Variants in EPB41L1 observed in about 807,000 individuals in gnomAD.
The protein encoded by EPB41L1 is band 4.1-like protein 1.
A neutral mutation model predicts 97.8 loss-of-function variants in EPB41L1; 29 were observed. That is an observed-to-expected ratio of 0.30 (90% CI 0.22 to 0.40). EPB41L1 has a LOEUF of 0.40. Ranked by LOEUF, EPB41L1 falls within the 10% of genes least tolerant of loss-of-function variation. The probability of loss-of-function intolerance (pLI) is 1.00; values close to 1 mark genes in which losing one functional copy is unlikely to be tolerated. For synonymous variants in EPB41L1, 383 were observed against 459.2 expected (o/e 0.83, Z 2.12); for missense variants, 812 against 1,162.3 (o/e 0.70, Z 4.38).
chr20:36,188,332 T>G lies in EPB41L1; in HGVS notation c.874-15T>G. ...GGACCCCGGGCCTCCCATTCCATGG[T>G]CTCTTCTCATGCAGGACTCTGAGGG... On this transcript the variant is annotated splice_polypyrimidine_tract_variant and intron_variant, in intron 8 of 21. Transcript: ENST00000338074. 6.2e-7 allele frequency: 1 copy of G among 1,612,774 alleles called. No homozygotes were observed. The highest frequency in any genetic ancestry group is 1.1e-5 in the South Asian group (1 of 90,988).
In EPB41L1 at chr20:36,173,724, T is replaced by A. The variant is rs2061096384; in HGVS notation, c.-14-40T>A. ...GCCCCTCTCGCTGTCATACCATTGCTGTCCCTCCCTGTCACATGATCTCCT... is the reference window on the plus strand; with the variant it reads ...GCCCCTCTCGCTGTCATACCATTGCAGTCCCTCCCTGTCACATGATCTCCT... On this transcript the variant is annotated intron_variant, in intron 1 of 21. Transcript: ENST00000338074. 3.1e-6 allele frequency: 5 copies of A among 1,590,196 alleles called. No homozygotes were observed. The highest frequency in any genetic ancestry group is 1.7e-6 in the Non-Finnish European group (2 of 1,158,296).
At chr20:36,219,648 C>T in intron 18 of EPB41L1, 113 bp from the exon 19 acceptor site, 1 of 844,608 alleles carries the variant, frequency 1.2e-6, no homozygotes. Flanking sequence ...CTGAAAGCAT[C>T]TTGGCTTCGA....
Position 36,198,157 on chromosome 20 carries a change from G to A in EPB41L1, c.1668+116G>A, listed in dbSNP as rs1600891945. The A allele has an allele frequency of 1.1e-5, 11 of 961,056 alleles. No homozygotes were observed. In the East Asian group the frequency reaches 2.6e-4, roughly 23 times the overall value. The allele number at this position is 961,056 out of a possible 1,614,324, so 59.5% of individuals were successfully genotyped here. A position where few individuals can be genotyped will look rare whatever the true frequency, so the allele number is the denominator to read the frequency against. On this transcript the variant is annotated intron_variant, in intron 14 of 21. Transcript: ENST00000338074. ...TATGCTTCCCCCATTGCTGCTTAGG[G>A]GCTGGTGGGGATGGAGAGGGTGGTA...
At chr20:36,103,704 C>CTTTTT (rs398038437) in intron 1 of EPB41L1, among the ~76,000 whole-genome samples, 2 of 135,760 alleles carry the variant, frequency 1.5e-5, no homozygotes, top group African/African-American at 2.8e-5. Flanking sequence ...CTTTTTCTTT[C>CTTTTT]TTTTTTTTTT....
intron 1 of EPB41L1, among the ~76,000 whole-genome samples, chr20:36,166,676 C>G (rs1232884677): frequency 6.6e-6 from 1 of 151,938 alleles, no homozygotes; most frequent in African/African-American, 2.4e-5. Flanking sequence ...TGGCTGAGCC[C>G]AAGAATTCGA....
At chr20:36,202,327 C>A (rs2062541617) in intron 14 of EPB41L1, among the ~76,000 whole-genome samples, 1 of 152,236 alleles carries the variant, frequency 6.6e-6, no homozygotes, top group African/African-American at 2.4e-5. Context: ...AAATTAGCAG[C>A]CTGTAGGTCT....
chr20:36,178,828 G>A (rs908055610), intron 5 of EPB41L1, among the ~76,000 whole-genome samples, 156 bp downstream of exon 5: 6 of 152,018 alleles, frequency 3.9e-5, no homozygotes, highest in African/African-American at 1.2e-4. Flanking sequence ...AGGCTAAGGC[G>A]GGTGGATCAC....
chr20:36,207,595 G>A lies in EPB41L1; in HGVS notation c.1669-1893G>A, dbSNP rs547771752. 22 of 1,289,962 alleles carry A rather than the reference G, an allele frequency of 1.7e-5. No individual in the cohort carries two copies. The East Asian group carries it at 2.2e-4, about 13-fold the overall frequency. 79.9% of individuals were successfully genotyped at this position (1,289,962 alleles called of 1,614,324 possible). ...GAGTACGCTCTCAGACCTGGGCTTC[G>A]CCCAACTCCAGCCCCCAGGGGACTT... On this transcript the variant is annotated intron_variant, in intron 14 of 21. Transcript: ENST00000338074. The surrounding 1 kb of genome is among the most constrained non-coding windows in gnomAD (Gnocchi z 4.9).
rs116717067 is a variant in EPB41L1 at position 36,216,446 on chromosome 20, A to G, written c.2268+2006A>G. ...CTAGGCCAGAGCTTGATAGACCTCA[A>G]ATGTCATATACCAAGTTCAAACTTC... On this transcript the variant is annotated intron_variant, in intron 17 of 21. Coordinates refer to ENST00000338074, the MANE Select transcript of EPB41L1 (RefSeq NM_012156.2). Among the ~76,000 whole-genome samples the G allele has an allele frequency of 6.7e-3, 1,023 of 152,308 alleles. 8 individuals are homozygous for G. The highest frequency in any genetic ancestry group is 0.023 in the African/African-American group (968 of 41,566).
intron 14 of EPB41L1, among the ~76,000 whole-genome samples, chr20:36,200,154 C>T (rs1309353412): frequency 6.6e-6 from 1 of 152,140 alleles, no homozygotes; most frequent in East Asian, 1.9e-4. Flanking sequence ...GATTGACTGG[C>T]TCCTTGGGTA....
chr20:36,161,745 G>T (rs928448168), intron 1 of EPB41L1, among the ~76,000 whole-genome samples: 1 of 150,862 alleles, frequency 6.6e-6, no homozygotes, highest in Admixed American at 6.6e-5. Context: ...AAAGTGCTGG[G>T]ATTACAGGCC....
chr20:36,207,225 A>G lies in EPB41L1; in HGVS notation c.1669-2263A>G. 7.8e-7 allele frequency: 1 copy of G among 1,282,720 alleles called. No individual in the cohort carries two copies. The highest frequency in any genetic ancestry group is 1.0e-6 in the Non-Finnish European group (1 of 984,332). 79.5% of individuals were successfully genotyped at this position (1,282,720 alleles called of 1,614,324 possible). On this transcript the variant is annotated intron_variant, in intron 14 of 21. Coordinates refer to ENST00000338074, the MANE Select transcript of EPB41L1 (RefSeq NM_012156.2). This position sits in a 1 kb window ranked among gnomAD's most constrained non-coding sequence, Gnocchi z 4.9. ...ATGTCCATCTTTCGAAAGCCAGCCCAGAGCCCAAGGACCAAGTAGGGTTTG... is the reference window on the plus strand; with the variant it reads ...ATGTCCATCTTTCGAAAGCCAGCCCGGAGCCCAAGGACCAAGTAGGGTTTG...
chr20:36,130,503 C>T (rs1425716097), intron 2 of EPB41L1, among the ~76,000 whole-genome samples: 1 of 152,090 alleles, frequency 6.6e-6, no homozygotes, highest in Non-Finnish European at 1.5e-5. Flanking sequence ...ACGATCAACT[C>T]ATCCCTTTTC....
At chr20:36,223,563 G>A (rs2063915564) in intron 21 of EPB41L1, among the ~76,000 whole-genome samples, 1 of 152,096 alleles carries the variant, frequency 6.6e-6, no homozygotes, top group South Asian at 2.1e-4. Flanking sequence ...ACATTGAGTT[G>A]GATAAAATAA....
chr20:36,176,871 A>G (rs1277044033), intron 3 of EPB41L1, among the ~76,000 whole-genome samples: 2 of 152,040 alleles, frequency 1.3e-5, no homozygotes, highest in African/African-American at 2.4e-5. Flanking sequence ...GCCTCAAGTG[A>G]TCTGCCTGCC....
chr20:36,142,586 G>A (rs1174147804), intron 2 of EPB41L1, among the ~76,000 whole-genome samples: 2 of 152,202 alleles, frequency 1.3e-5, no homozygotes, highest in Non-Finnish European at 2.9e-5. Flanking sequence ...TTAATAACCC[G>A]GCAGCGGTAG....
At chr20:36,097,558 A>G (rs2057872091) in intron 1 of EPB41L1, among the ~76,000 whole-genome samples, 1 of 152,230 alleles carries the variant, frequency 6.6e-6, no homozygotes, top group Non-Finnish European at 1.5e-5. Flanking sequence ...ACAAAAACAG[A>G]AATGAATCCA....
In EPB41L1 at chr20:36,188,387, A is replaced by G. The variant is rs1274526623; in HGVS notation, c.914A>G (p.Asn305Ser). ...GIDIMLGVCA[N>S]GLLIYRDRLR... ...GACATCATGTTAGGCGTTTGTGCCA[A>G]TGGCCTGCTCATCTACCGGGACCGG... The change falls in exon 9 of 22, where the codon AAT becomes AGT. Residue 305 changes from asparagine to serine, a missense_variant. By Grantham distance (46) the Asn-to-Ser change is conservative. This residue lies in a region of EPB41L1 where 230 missense variants were observed against 445.2 expected (regional missense o/e 0.52). Transcript: ENST00000338074. The G allele has an allele frequency of 2.5e-6, 4 of 1,613,932 alleles. No homozygotes were observed.
chr20:36,188,878 CAAAA>C (rs536424227), intron 9 of EPB41L1, among the ~76,000 whole-genome samples: 1 of 77,006 alleles, frequency 1.3e-5, no homozygotes. Flanking sequence ...GACTCTGTCT[CAAAA>C]AAAAAAAAAA....
Sources: allele counts gnomAD v4.1 joint callset (sites outside exome capture counted in the v4.1 genomes callset), GRCh38; gene constraint gnomAD v4.1.1; regional missense constraint gnomAD v4.1.1; non-coding constraint Gnocchi (gnomAD v3.1); transcripts MANE v1.5; gene names NCBI Gene and HGNC (gene_info 2026-07-23, HGNC 2026-07-21).